Variants in RAE1 observed in about 807,000 individuals in gnomAD.
RAE1 encodes ribonucleic acid export 1, also known as mRNA export factor RAE1.
In RAE1, 13 loss-of-function variants were observed where a neutral mutation model predicts 52.7. The observed-to-expected ratio is 0.25, with a 90% CI of 0.16 to 0.39. The LOEUF is 0.39. Among genes scored for constraint, RAE1 ranks in the 10% least tolerant of loss-of-function variants. The pLI, the probability that RAE1 is intolerant of heterozygous loss-of-function variation, is 1.00. For missense variants in RAE1, 262 were observed against 459.8 expected, an observed-to-expected ratio of 0.57 and a Z score of 3.93; for synonymous variants, 164 against 153.1, an observed-to-expected ratio of 1.07 and a Z score of -0.52.
chr20:57,356,507 C>G lies in RAE1; in HGVS notation c.257C>G (p.Thr86Ser). The G allele has an allele frequency of 6.2e-7, 1 of 1,613,354 alleles. No homozygotes were observed. Among genetic ancestry groups the G allele is most frequent in the Non-Finnish European group, 8.5e-7 (1 of 1,179,462 alleles). The change falls in exon 4 of 12, where the codon ACT becomes AGT. Residue 86 changes from threonine to serine, a missense_variant. Transcript: ENST00000395841. ...ATTCCAAAAGCCCAGCAGATGCACACTGGGCCTGTGCTTGATGTCTGCTGG... is the reference window on the plus strand; with the variant it reads ...ATTCCAAAAGCCCAGCAGATGCACAGTGGGCCTGTGCTTGATGTCTGCTGG... Reference protein sequence around the residue: ...QTIPKAQQMHTGPVLDVCWSD... With the variant: ...QTIPKAQQMHSGPVLDVCWSD...
chr20:57,362,038 C>T (rs1169507146), intron 4 of RAE1, among the ~76,000 whole-genome samples: 1 of 152,186 alleles, frequency 6.6e-6, no homozygotes, highest in Non-Finnish European at 1.5e-5. Context: ...TAGGTTGTGT[C>T]TTCCTTATGA....
At chr20:57,377,944 G>T (rs553419696) in intron 11 of RAE1, 69 bp from the exon 12 acceptor site, 4 of 1,210,128 alleles carry the variant, frequency 3.3e-6, no homozygotes, top group Non-Finnish European at 4.7e-6. Context: ...ACTTCACCTA[G>T]AAAAAGCACC....
chr20:57,367,175 T>C, intron 7 of RAE1, 96 bp downstream of exon 7: 1 of 1,080,658 alleles, frequency 9.3e-7, no homozygotes, highest in Non-Finnish European at 1.3e-6. Flanking sequence ...GTGGATAATA[T>C]AAAAATCCTG....
rs371423562 is a variant in RAE1 at position 57,373,761 on chromosome 20, C to T, written c.825+23C>T. The stretch of plus-strand genomic sequence containing the variant: ...GCGGTACGTTTTTAGACACTTTAAC[C>T]GTGGTAATACATCTGGAAACCAGAC... On this transcript the variant is annotated intron_variant, in intron 10 of 11. Transcript: ENST00000395841. 131 of 1,601,136 alleles carry T rather than the reference C, an allele frequency of 8.2e-5. No individual in the cohort carries two copies. The South Asian group carries it at 1.3e-3, about 16-fold the overall frequency.
At chr20:57,377,712 T>C (rs2067136225) in intron 11 of RAE1, among the ~76,000 whole-genome samples, 1 of 152,190 alleles carries the variant, frequency 6.6e-6, no homozygotes, top group Admixed American at 6.5e-5. Context: ...AAGGCAGTTA[T>C]CCTGGCGTTA....
intron 8 of RAE1, 63 bp downstream of exon 8, chr20:57,368,875 A>G (rs2066994989): frequency 9.8e-6 from 13 of 1,329,250 alleles, no homozygotes; most frequent in Non-Finnish European, 1.4e-5. Flanking sequence ...GATTGTGCTC[A>G]CATCTGGAAT....
At chr20:57,377,313 C>T (rs1338050397) in intron 11 of RAE1, among the ~76,000 whole-genome samples, 1 of 152,200 alleles carries the variant, frequency 6.6e-6, no homozygotes, top group African/African-American at 2.4e-5. Context: ...GGATCATCTG[C>T]CTGGCCCACC....
At chr20:57,353,079 G>C (rs1222948681) in intron 1 of RAE1, among the ~76,000 whole-genome samples, 3 of 152,242 alleles carry the variant, frequency 2.0e-5, no homozygotes, top group Non-Finnish European at 2.9e-5. Context: ...TTGTTAGCAA[G>C]GATGTCACTC....
At chr20:57,358,834 G>C in intron 4 of RAE1, 1 of 506,750 alleles carries the variant, frequency 2.0e-6, no homozygotes, top group South Asian at 4.3e-5. Context: ...TTAGGAGGTT[G>C]AATTATGCTC....
At chr20:57,358,642 C>A (rs888251152) in intron 4 of RAE1, 14 of 191,880 alleles carry the variant, frequency 7.3e-5, no homozygotes, top group Admixed American at 2.4e-4. Flanking sequence ...ATTGAACAAA[C>A]AAACTCTTAA....
At chr20:57,353,847 A>G (rs1293610113) in intron 1 of RAE1, among the ~76,000 whole-genome samples, 185 bp from the exon 2 acceptor site, 2 of 152,244 alleles carry the variant, frequency 1.3e-5, no homozygotes, top group Non-Finnish European at 2.9e-5. Context: ...CTGGAAACCT[A>G]AAACTACTCT....
intron 11 of RAE1, 115 bp downstream of exon 11, chr20:57,374,916 A>G: frequency 1.7e-6 from 2 of 1,180,986 alleles, no homozygotes; most frequent in Non-Finnish European, 2.5e-6. Context: ...GTCCTTGGGC[A>G]GGTCACCGTC....
At chr20:57,374,573 C>T in intron 10 of RAE1, 34 bp from the exon 11 acceptor site, 1 of 1,580,862 alleles carries the variant, frequency 6.3e-7, no homozygotes, top group Non-Finnish European at 8.6e-7. Context: ...CGCCCCTCTG[C>T]CTGGCTTCTC....
chr20:57,365,285 G>C, intron 4 of RAE1, 71 bp from the exon 5 acceptor site: 1 of 1,115,408 alleles, frequency 9.0e-7, no homozygotes, highest in African/African-American at 1.6e-5. Flanking sequence ...GTTCAACGTA[G>C]TATCTAAATA....
At chr20:57,371,974 A>G (rs2067042112) in intron 8 of RAE1, 2 of 152,274 alleles carry the variant, frequency 1.3e-5, no homozygotes, top group Admixed American at 1.3e-4. Flanking sequence ...GCATAGACTC[A>G]CAGAAGTAAA....
chr20:57,356,960 C>G (rs1351926831), intron 4 of RAE1, among the ~76,000 whole-genome samples: 1 of 152,174 alleles, frequency 6.6e-6, no homozygotes, highest in African/African-American at 2.4e-5. Context: ...GGGTTGAACA[C>G]CCCAGCCTCT....
intron 2 of RAE1, 122 bp from the exon 3 acceptor site, chr20:57,354,590 T>C (rs991650990): frequency 3.2e-6 from 2 of 619,212 alleles, no homozygotes. Context: ...TAAGGAAAGG[T>C]CTAATTCAGT....
intron 4 of RAE1, among the ~76,000 whole-genome samples, chr20:57,364,932 CAG>C (rs551617565): frequency 5.8e-4 from 88 of 152,256 alleles, no homozygotes; most frequent in Middle Eastern, 3.4e-3. Context: ...ATAAATGTGA[CAG>C]AATGTTTACA....
intron 4 of RAE1, among the ~76,000 whole-genome samples, chr20:57,357,255 T>C (rs189461804): frequency 5.9e-5 from 9 of 152,302 alleles, no homozygotes; most frequent in African/African-American, 1.2e-4. Context: ...TTCCTTCCTT[T>C]TGTCGTCAAA....
Sources: allele counts gnomAD v4.1 joint callset (sites outside exome capture counted in the v4.1 genomes callset), GRCh38; gene constraint gnomAD v4.1.1; transcripts MANE v1.5; gene names NCBI Gene and HGNC (gene_info 2026-07-23, HGNC 2026-07-21).